STK32A: variants seen among roughly 807,000 people sequenced by gnomAD.
STK32A encodes the protein serine/threonine-protein kinase 32A.
In STK32A, 41 loss-of-function variants were observed where a neutral mutation model predicts 53.2. The ratio of observed to expected loss-of-function variants is 0.77; its 90% confidence interval spans 0.60 to 1.00. The LOEUF is 1.00. Ranked by LOEUF, STK32A falls within the 50% of genes least tolerant of loss-of-function variation. STK32A has a pLI of 0.00. For missense variants in STK32A, 458 were observed against 485.8 expected (o/e 0.94, Z 0.54); for synonymous variants, 166 against 162.8 (o/e 1.02, Z -0.15).
the STK32A span, among the ~76,000 whole-genome samples, chr5:147,399,678 G>T: frequency 7.9e-5 from 12 of 152,160 alleles, no homozygotes; most frequent in Non-Finnish European, 1.5e-4. Flanking sequence ...ATAACAATGG[G>T]TTCCCTGGGT....
intron 2 of STK32A, among the ~76,000 whole-genome samples, chr5:147,275,990 C>T (rs1755243231): frequency 6.6e-6 from 1 of 152,262 alleles, no homozygotes; most frequent in Non-Finnish European, 1.5e-5. Context: ...TTCAAAATGT[C>T]ATCATGGCAT....
chr5:147,286,942 A>C (rs1172530573), intron 4 of STK32A, among the ~76,000 whole-genome samples: 1 of 152,172 alleles, frequency 6.6e-6, no homozygotes, highest in Non-Finnish European at 1.5e-5. Flanking sequence ...TGGCCTCATC[A>C]GCTGACTTGA....
intron 2 of STK32A, among the ~76,000 whole-genome samples, chr5:147,265,631 T>C (rs1754771167): frequency 6.6e-6 from 1 of 152,124 alleles, no homozygotes; most frequent in Admixed American, 6.6e-5. Flanking sequence ...GGAGGGTAAG[T>C]GTCCTGGGAC....
At chr5:147,377,178 G>A (rs771494327) in intron 11 of STK32A, among the ~76,000 whole-genome samples, 5 of 152,078 alleles carry the variant, frequency 3.3e-5, no homozygotes, top group Non-Finnish European at 7.4e-5. Flanking sequence ...GATATCTCAT[G>A]TGATTTCTCT....
intron 4 of STK32A, among the ~76,000 whole-genome samples, chr5:147,303,595 G>A (rs1256408908): frequency 6.6e-6 from 1 of 152,142 alleles, no homozygotes; most frequent in Non-Finnish European, 1.5e-5. Flanking sequence ...ATTGCAAAAA[G>A]CCAGGCAGAG....
chr5:147,329,685 A>T (rs565363928), intron 5 of STK32A, among the ~76,000 whole-genome samples: 1 of 152,202 alleles, frequency 6.6e-6, no homozygotes, highest in South Asian at 2.1e-4. Flanking sequence ...CGTCTTCCCA[A>T]TGCTCATGGT....
Position 147,378,840 on chromosome 5 carries a change from C to CTTT in STK32A, c.1032+3661_1032+3663dup, listed in dbSNP as rs71001434. Among the ~76,000 whole-genome samples, 167 of 28,106 alleles carry CTTT rather than the reference C, an allele frequency of 5.9e-3. 69 individuals carry two copies. Among genetic ancestry groups the CTTT allele is most frequent in the Non-Finnish European group, 0.01 (141 of 13,492 alleles). The allele number at this position is 28,106 out of a possible 152,430, so 18.4% of individuals were successfully genotyped here. ...GTAGTAGTGTAATAATGCCTCCAGT[C>CTTT]TTTTTTTTTTTTTTTTTTTTTTTTT... On this transcript the variant is annotated intron_variant, in intron 11 of 12. Coordinates refer to ENST00000397936, the MANE Select transcript of STK32A (RefSeq NM_001112724.2).
rs1379378682 is a variant in STK32A at position 147,386,879 on chromosome 5, C to T, written c.*2896C>T. ...TAAACTTTTCCTAAATCTTTGTGGT[C>T]ATTGCTAGTTGTTGACATCAGATCC... On this transcript the variant is annotated 3_prime_UTR_variant, in exon 13 of 13. Coordinates refer to ENST00000397936, the MANE Select transcript of STK32A (RefSeq NM_001112724.2). 6.6e-6 allele frequency: 1 copy of T among 152,178 alleles called. No homozygotes were observed. Among genetic ancestry groups the T allele is most frequent in the South Asian group, 2.1e-4 (1 of 4,822 alleles). 9.4% of individuals were successfully genotyped at this position (152,178 alleles called of 1,614,324 possible).
chr5:147,298,260 A>C lies in STK32A; in HGVS notation c.260+18862A>C, dbSNP rs114231774. On this transcript the variant is annotated intron_variant, in intron 4 of 12. Transcript: ENST00000397936. Reference sequence around the variant, plus strand: ...AGAGAAAACCTCCAAAATCTTATTAAATTTAGAAATAGTTTCAAACATACT... The same window carrying C: ...AGAGAAAACCTCCAAAATCTTATTACATTTAGAAATAGTTTCAAACATACT... 5.6e-3 allele frequency among the ~76,000 whole-genome samples: 854 copies of C among 152,300 alleles called. 2 individuals carry two copies. Among genetic ancestry groups the C allele is most frequent in the Non-Finnish European group, 9.1e-3 (617 of 68,022 alleles).
At chr5:147,395,347 G>A in the STK32A span, among the ~76,000 whole-genome samples, 12,750 of 152,116 alleles carry the variant, frequency 0.084, 860 homozygotes, top group East Asian at 0.28. Context: ...CCTGGTCTTC[G>A]GCCTGACTGC....
At chr5:147,360,230 A>G (rs1329207259) in intron 7 of STK32A, among the ~76,000 whole-genome samples, 1 of 152,050 alleles carries the variant, frequency 6.6e-6, no homozygotes, top group East Asian at 1.9e-4. Context: ...CAGGTGGATC[A>G]CCTAAGCCCA....
chr5:147,254,602 G>A (rs1261848402), intron 2 of STK32A, among the ~76,000 whole-genome samples: 1 of 152,128 alleles, frequency 6.6e-6, no homozygotes, highest in Non-Finnish European at 1.5e-5. Context: ...GAGGAGAAGG[G>A]GTTCTTATCC....
intron 1 of STK32A, among the ~76,000 whole-genome samples, chr5:147,238,692 C>T (rs77557549): frequency 0.058 from 8,865 of 151,670 alleles, 302 homozygotes; most frequent in African/African-American, 0.091. Context: ...ATATAACATA[C>T]GTATGATATA....
At chr5:147,269,548 C>T (rs1754942605) in intron 2 of STK32A, among the ~76,000 whole-genome samples, 1 of 152,180 alleles carries the variant, frequency 6.6e-6, no homozygotes, top group Non-Finnish European at 1.5e-5. Flanking sequence ...AATCATAGCA[C>T]TGAGGAGAGT....
intron 2 of STK32A, among the ~76,000 whole-genome samples, chr5:147,241,147 A>G (rs1194499194): frequency 3.9e-5 from 6 of 152,346 alleles, no homozygotes; most frequent in Middle Eastern, 3.4e-3. Context: ...TGGGGCAAAC[A>G]ATCTTAGTTT....
the STK32A span, among the ~76,000 whole-genome samples, chr5:147,398,884 A>C: frequency 6.6e-6 from 1 of 152,224 alleles, no homozygotes; most frequent in Admixed American, 6.5e-5. Flanking sequence ...GAGTGACTGG[A>C]ATGGGCAGAG....
chr5:147,306,233 C>A (rs1278139616), intron 4 of STK32A, among the ~76,000 whole-genome samples: 1 of 151,892 alleles, frequency 6.6e-6, no homozygotes, highest in Admixed American at 6.6e-5. Context: ...TGCTTATTGA[C>A]CATTTATAAT....
intron 4 of STK32A, among the ~76,000 whole-genome samples, chr5:147,312,835 C>T (rs181053732): frequency 1.3e-5 from 2 of 152,260 alleles, no homozygotes; most frequent in African/African-American, 2.4e-5. Flanking sequence ...GCAAACATTA[C>T]ATATACCTTT....
intron 4 of STK32A, among the ~76,000 whole-genome samples, chr5:147,291,328 A>C (rs965404467): frequency 4.6e-5 from 7 of 152,062 alleles, no homozygotes; most frequent in African/African-American, 1.4e-4. Context: ...GGGGAAGGGG[A>C]AAGGATGAGT....
Sources: allele counts gnomAD v4.1 joint callset (sites outside exome capture counted in the v4.1 genomes callset), GRCh38; gene constraint gnomAD v4.1.1; transcripts MANE v1.5; gene names NCBI Gene and HGNC (gene_info 2026-07-23, HGNC 2026-07-21).